The following MCM9 variants were observed in gnomAD, a reference collection of about 807,000 sequenced individuals.
MCM9 encodes the protein minichromosome maintenance 9 homologous recombination repair factor.
MCM9 carries 55 observed loss-of-function variants against 72.8 expected under a neutral mutation model. The observed-to-expected ratio is 0.76, with a 90% confidence interval of 0.61 to 0.95. MCM9 has a LOEUF of 0.95. Ranked by LOEUF, MCM9 falls within the 40% of genes least tolerant of loss-of-function variation. The pLI is 0.00. For synonymous variants in MCM9, 480 were observed against 503.4 expected, an observed-to-expected ratio of 0.95 and a Z score of 0.62; for missense variants, 1,279 against 1,377.0, an observed-to-expected ratio of 0.93 and a Z score of 1.13.
chr6:118,817,059 T>C (rs149077380), intron 13 of MCM9, among the ~76,000 whole-genome samples: 18 of 152,346 alleles, frequency 1.2e-4, no homozygotes, highest in African/African-American at 4.3e-4. Flanking sequence ...TCATTTTAAA[T>C]GATTTTAAAT....
chr6:118,910,832 C>G (rs1285343347), intron 8 of MCM9: 2 of 985,160 alleles, frequency 2.0e-6, no homozygotes, highest in East Asian at 1.1e-4. Flanking sequence ...TATACAGGAC[C>G]ATTAATTGGC....
intron 8 of MCM9, among the ~76,000 whole-genome samples, chr6:118,861,366 C>T (rs997430457): frequency 7.9e-5 from 12 of 152,224 alleles, no homozygotes; most frequent in South Asian, 2.1e-4. Context: ...CACTCCTTCT[C>T]GTCACCCACA....
At chr6:118,858,578 A>G (rs1038004103) in intron 8 of MCM9, among the ~76,000 whole-genome samples, 1 of 152,192 alleles carries the variant, frequency 6.6e-6, no homozygotes, top group African/African-American at 2.4e-5. Context: ...AAACTGTTTA[A>G]ATTTGCAGAC....
At chr6:118,895,695 C>T (rs1217406957) in intron 8 of MCM9, among the ~76,000 whole-genome samples, 1 of 152,066 alleles carries the variant, frequency 6.6e-6, no homozygotes, top group African/African-American at 2.4e-5. Context: ...CTTTAATTAT[C>T]TTTTACTAAA....
intron 8 of MCM9, among the ~76,000 whole-genome samples, chr6:118,909,512 A>G (rs969429134): frequency 6.6e-6 from 1 of 152,194 alleles, no homozygotes. Flanking sequence ...GTCTAGCGTC[A>G]TTTGCCAATA....
intron 8 of MCM9, chr6:118,894,369 G>T: frequency 2.0e-6 from 3 of 1,536,152 alleles, no homozygotes; most frequent in Non-Finnish European, 2.6e-6. Context: ...ACTTTATTGT[G>T]CCGCAACCAG....
intron 8 of MCM9, among the ~76,000 whole-genome samples, chr6:118,887,628 G>A (rs1778679895): frequency 6.6e-6 from 1 of 151,210 alleles, no homozygotes; most frequent in African/African-American, 2.4e-5. Flanking sequence ...AGATTAAATG[G>A]GCATCATCAA....
chr6:118,840,546 C>A (rs1226558880), intron 9 of MCM9, among the ~76,000 whole-genome samples: 1 of 152,078 alleles, frequency 6.6e-6, no homozygotes, highest in Non-Finnish European at 1.5e-5. Context: ...CACGCAGCAA[C>A]AGTGACATAT....
intron 9 of MCM9, among the ~76,000 whole-genome samples, chr6:118,853,667 T>C (rs1776368398): frequency 6.6e-6 from 1 of 152,050 alleles, no homozygotes; most frequent in Non-Finnish European, 1.5e-5. Flanking sequence ...TAGCCAGGCA[T>C]AGTGGTGCGT....
chr6:118,845,189 C>A (rs745606024), intron 9 of MCM9, among the ~76,000 whole-genome samples: 35 of 151,798 alleles, frequency 2.3e-4, no homozygotes, highest in Non-Finnish European at 4.6e-4. Context: ...CAAACACACA[C>A]AAAAAAATCA....
chr6:118,890,504 A>C (rs1778873499), intron 8 of MCM9, among the ~76,000 whole-genome samples: 1 of 152,188 alleles, frequency 6.6e-6, no homozygotes, highest in South Asian at 2.1e-4. Context: ...TGCATCTAAC[A>C]CTTTCTATTT....
chr6:118,857,167 C>T (rs1776612827), intron 8 of MCM9, among the ~76,000 whole-genome samples: 1 of 152,138 alleles, frequency 6.6e-6, no homozygotes, highest in Admixed American at 6.5e-5. Context: ...AACAGATCTC[C>T]AGAGACCTTA....
Position 118,827,699 on chromosome 6 carries a change from G to A in MCM9, c.1732+228C>T, listed in dbSNP as rs756151315. ...TATATTAAGTTCTAGGAGGTCCCGA[G>A]ATGGCACAAAGATTCCTCTTTCTTA... is the stretch of plus-strand genomic sequence containing the variant. On this transcript the variant is annotated intron_variant, in intron 11 of 13. Coordinates refer to ENST00000619706, the MANE Select transcript of MCM9 (RefSeq NM_017696.3). Among the ~76,000 whole-genome samples, 15 of 152,110 alleles carry A rather than the reference G, an allele frequency of 9.9e-5. 1 individual carries two copies. The highest frequency in any genetic ancestry group is 2.2e-4 in the Non-Finnish European group (15 of 68,038).
chr6:118,892,989 A>G (rs778187225), intron 8 of MCM9, among the ~76,000 whole-genome samples: 1 of 152,234 alleles, frequency 6.6e-6, no homozygotes, highest in Non-Finnish European at 1.5e-5. Context: ...TCCAGAACAC[A>G]TACTTAAGAA....
chr6:118,830,584 C>T (rs1774473744), intron 9 of MCM9, among the ~76,000 whole-genome samples: 1 of 152,152 alleles, frequency 6.6e-6, no homozygotes, highest in Non-Finnish European at 1.5e-5. Context: ...ATGTAATAAG[C>T]GGTTCCTAAG....
rs768287198 is a variant in MCM9 at position 118,829,043 on chromosome 6, C to T, written c.1528+5G>A. 96 of 1,549,800 alleles carry T rather than the reference C, an allele frequency of 6.2e-5. No individual in the cohort carries two copies. Among genetic ancestry groups the T allele is most frequent in the Admixed American group, 5.9e-5 (3 of 50,960 alleles). The stretch of plus-strand genomic sequence containing the variant: ...ATTTTGAATGCTTTGTTTGTCTTCA[C>T]GTACCTTTATTTTCTAAGATAAAGG... On this transcript the variant is annotated splice_donor_5th_base_variant and intron_variant, in intron 10 of 13. Transcript: ENST00000619706.
intron 8 of MCM9, among the ~76,000 whole-genome samples, chr6:118,892,860 A>G (rs1476143754): frequency 6.6e-6 from 1 of 152,244 alleles, no homozygotes; most frequent in African/African-American, 2.4e-5. Context: ...GCTGTCTCAC[A>G]TTAACTTTCA....
In MCM9 at chr6:118,815,402, T is replaced by C. The variant is rs1419793144; in HGVS notation, c.2854A>G (p.Ser952Gly). 6.4e-7 allele frequency: 1 copy of C among 1,550,428 alleles called. No homozygotes were observed. The highest frequency in any genetic ancestry group is 1.2e-5 in the South Asian group (1 of 84,050). ...SPGATKIAVH[S>G]PKISQRRTRR... Reference sequence around the variant, plus strand: ...GTTCTACGCTGGGAAATTTTAGGACTATGAACTGCTATTTTAGTTGCACCA... The same window carrying C: ...GTTCTACGCTGGGAAATTTTAGGACCATGAACTGCTATTTTAGTTGCACCA... Residue 952 changes from serine to glycine, a missense_variant, in exon 14 of 14, where the codon AGT becomes GGT. Ser to Gly is a moderately conservative substitution (Grantham distance 56). Transcript: ENST00000619706.
rs149809854 is a variant in MCM9 at position 118,875,382 on chromosome 6, T to C, written c.1151-18837A>G. Among the ~76,000 whole-genome samples, 6 of 152,316 alleles carry C rather than the reference T, an allele frequency of 3.9e-5. No homozygotes were observed. The East Asian group carries it at 1.2e-3, about 29-fold the overall frequency. On this transcript the variant is annotated intron_variant, in intron 8 of 13. Coordinates refer to ENST00000619706, the MANE Select transcript of MCM9 (RefSeq NM_017696.3). Reference sequence around the variant, plus strand: ...TGGGCGCAGTGGCTCACATCTGTAATCCTAGCATTTTGGGAAGCCAAAGCA... The same window carrying C: ...TGGGCGCAGTGGCTCACATCTGTAACCCTAGCATTTTGGGAAGCCAAAGCA...
Sources: allele counts gnomAD v4.1 joint callset (sites outside exome capture counted in the v4.1 genomes callset), GRCh38; gene constraint gnomAD v4.1.1; transcripts MANE v1.5; gene names NCBI Gene and HGNC (gene_info 2026-07-23, HGNC 2026-07-21).